Variants in HEG1 observed in about 807,000 individuals in gnomAD.
The protein encoded by HEG1 is protein HEG homolog 1.
HEG1 carries 56 observed loss-of-function variants against 125.6 expected under a neutral mutation model. That is an observed-to-expected ratio of 0.45 (90% confidence interval 0.36 to 0.56). The LOEUF is 0.56. Among genes scored for constraint, HEG1 ranks in the 20% least tolerant of loss-of-function variants. The probability of loss-of-function intolerance (pLI) is 0.00; values close to 1 mark genes in which losing one functional copy is unlikely to be tolerated. For missense variants in HEG1, 1,523 were observed against 1,670.0 expected (o/e 0.91, Z 1.53); for synonymous variants, 644 against 668.5 (o/e 0.96, Z 0.57).
At chr3:124,994,543 T>A (rs1055656591) in intron 12 of HEG1, among the ~76,000 whole-genome samples, 3 of 151,736 alleles carry the variant, frequency 2.0e-5, no homozygotes, top group African/African-American at 7.3e-5. Flanking sequence ...TCTTGCTCTG[T>A]CACCCAGGCT....
chr3:124,978,340 G>C (rs983089581), intron 14 of HEG1, among the ~76,000 whole-genome samples: 1 of 152,100 alleles, frequency 6.6e-6, no homozygotes, highest in Non-Finnish European at 1.5e-5. Flanking sequence ...GTAGAGACAG[G>C]GTTTCACCGT....
At chr3:125,021,174 AG>A in intron 3 of HEG1, 44 bp from the exon 4 acceptor site, 1 of 1,422,290 alleles carries the variant, frequency 7.0e-7, no homozygotes, top group Non-Finnish European at 9.5e-7. Flanking sequence ...CAGGAGTTTA[AG>A]AAAATCCGGA....
intron 1 of HEG1, among the ~76,000 whole-genome samples, chr3:125,039,103 G>A (rs1047481904): frequency 6.6e-6 from 1 of 152,032 alleles, no homozygotes; most frequent in African/African-American, 2.4e-5. Context: ...AGCCCCCTGT[G>A]CTGGGCCATA....
intron 8 of HEG1, among the ~76,000 whole-genome samples, chr3:125,008,750 T>C (rs1937108119): frequency 1.3e-5 from 2 of 152,152 alleles, no homozygotes; most frequent in African/African-American, 4.8e-5. Context: ...AGAGCTGAGA[T>C]GGTGCCACTG....
chr3:125,027,537 C>A, intron 2 of HEG1, 30 bp from the exon 3 acceptor site: 1 of 1,545,280 alleles, frequency 6.5e-7, no homozygotes, highest in Non-Finnish European at 8.7e-7. Context: ...ATTAGAATTC[C>A]ACCAGCAGAC....
At chr3:124,976,667 G>A (rs1454821400) in intron 15 of HEG1, among the ~76,000 whole-genome samples, 1 of 152,096 alleles carries the variant, frequency 6.6e-6, no homozygotes, top group Non-Finnish European at 1.5e-5. Flanking sequence ...TCCCCAGTGT[G>A]GAGGTGCTGG....
In HEG1 at chr3:125,055,718, C is replaced by T. The variant is rs529372807; in HGVS notation, c.173G>A (p.Arg58His). 3,406 of 1,058,994 alleles carry T rather than the reference C, an allele frequency of 3.2e-3. 85 individuals carry two copies. In the African/African-American group the frequency reaches 0.05, roughly 15 times the overall value. 65.6% of individuals were successfully genotyped at this position (1,058,994 alleles called of 1,614,324 possible). Reference sequence around the variant, plus strand: ...GGGCGGCGGCTCGCGCTCCGGGCGGCGCTCCAGCTGCAGCTCCAGCCCCGC... The same window carrying T: ...GGGCGGCGGCTCGCGCTCCGGGCGGTGCTCCAGCTGCAGCTCCAGCCCCGC... Reference protein sequence around the residue: ...AGAGLELQLERRPEREPPPTP... With the variant: ...AGAGLELQLEHRPEREPPPTP... The change falls in exon 1 of 17, where the codon CGC becomes CAC. Residue 58 changes from arginine to histidine, a missense_variant. By Grantham distance (29) the Arg-to-His change is conservative. Transcript: ENST00000311127.
In HEG1 at chr3:124,997,792, T is replaced by C; in HGVS notation, c.3549A>G (p.Glu1183=). 3 of 1,589,142 alleles carry C rather than the reference T, an allele frequency of 1.9e-6. No individual in the cohort carries two copies. The highest frequency in any genetic ancestry group is 2.6e-6 in the Non-Finnish European group (3 of 1,163,732). Residue 1183 remains glutamate, a synonymous_variant, in exon 12 of 17, where the codon GAA becomes GAG. Transcript: ENST00000311127. ...TGCAGATGGAGGTGTCTTTGTCACA[T>C]TCGGGACTCTTCCGCTTGCACAAGC... ...AGSLCKRKSP[E]CDKDTSICTD...
chr3:125,009,147 T>C (rs1416157103), intron 8 of HEG1, among the ~76,000 whole-genome samples: 3 of 152,244 alleles, frequency 2.0e-5, no homozygotes, highest in Non-Finnish European at 2.9e-5. Context: ...ACAAATTGTG[T>C]GATACAGTTA....
At chr3:125,040,648 C>CT (rs1937587265) in intron 1 of HEG1, among the ~76,000 whole-genome samples, 1 of 151,846 alleles carries the variant, frequency 6.6e-6, no homozygotes, top group Admixed American at 6.6e-5. Context: ...GAGTGGGTTT[C>CT]TTTGTCATTT....
At chr3:125,027,122 G>T in intron 3 of HEG1, 83 bp downstream of exon 3, 1 of 1,256,372 alleles carries the variant, frequency 8.0e-7, no homozygotes, top group Non-Finnish European at 1.1e-6. Flanking sequence ...ACTATTATGA[G>T]TATGTAACTA....
intron 15 of HEG1, 145 bp downstream of exon 15, chr3:124,977,714 C>T (rs112760791): frequency 4.7e-4 from 215 of 459,074 alleles, no homozygotes; most frequent in African/African-American, 3.7e-3. Flanking sequence ...CGTGAATTCC[C>T]TTTCTCCTTT....
chr3:125,006,260 C>A (rs116631863), intron 8 of HEG1, among the ~76,000 whole-genome samples: 1,712 of 152,312 alleles, frequency 0.011, 37 homozygotes, highest in African/African-American at 0.039. Context: ...AAAGCAGCCT[C>A]ATTTTCAAGG....
chr3:125,053,053 T>C lies in HEG1; in HGVS notation c.316+2522A>G, dbSNP rs369345051. ...GCAGGAAGCTTCTCCAACAACCAAATGGAGCACGTTACTTGTAAGACTCAG... is the reference window on the plus strand; with the variant it reads ...GCAGGAAGCTTCTCCAACAACCAAACGGAGCACGTTACTTGTAAGACTCAG... On this transcript the variant is annotated intron_variant, in intron 1 of 16. Coordinates refer to ENST00000311127, the MANE Select transcript of HEG1 (RefSeq NM_020733.2). Among the ~76,000 whole-genome samples the C allele has an allele frequency of 2.0e-5, 3 of 152,326 alleles. No individual in the cohort carries two copies. In the East Asian group the frequency reaches 5.8e-4, roughly 29 times the overall value.
chr3:125,048,151 G>A (rs911428624), intron 1 of HEG1, among the ~76,000 whole-genome samples: 5 of 151,982 alleles, frequency 3.3e-5, no homozygotes, highest in Admixed American at 2.0e-4. Flanking sequence ...CCTCAAAAAC[G>A]TTTACATGAC....
intron 14 of HEG1, among the ~76,000 whole-genome samples, chr3:124,980,311 C>T (rs577829762): frequency 2.0e-5 from 3 of 152,248 alleles, no homozygotes; most frequent in African/African-American, 7.2e-5. Context: ...TCCTAAAGAC[C>T]AGAGTCTGGC....
intron 1 of HEG1, among the ~76,000 whole-genome samples, chr3:125,051,936 G>A (rs1473822349): frequency 1.3e-5 from 2 of 152,140 alleles, no homozygotes; most frequent in Non-Finnish European, 2.9e-5. Context: ...CAGCCTCCAG[G>A]ACAAGGATGC....
intron 16 of HEG1, 37 bp downstream of exon 16, chr3:124,973,694 G>C: frequency 4.6e-6 from 7 of 1,524,770 alleles, no homozygotes; most frequent in Non-Finnish European, 6.2e-6. Flanking sequence ...CAGAGGAACC[G>C]GGGGCCCTGG....
intron 1 of HEG1, among the ~76,000 whole-genome samples, chr3:125,049,154 A>G (rs1181761608): frequency 6.6e-6 from 1 of 152,202 alleles, no homozygotes; most frequent in African/African-American, 2.4e-5. Flanking sequence ...TGGAGGCCAG[A>G]GGCCTTTCCC....
Sources: allele counts gnomAD v4.1 joint callset (sites outside exome capture counted in the v4.1 genomes callset), GRCh38; gene constraint gnomAD v4.1.1; transcripts MANE v1.5; gene names NCBI Gene and HGNC (gene_info 2026-07-23, HGNC 2026-07-21).